Variants in FER observed in about 807,000 individuals in gnomAD.
The protein encoded by FER is FER tyrosine kinase.
FER carries 63 observed loss-of-function variants against 111.0 expected under a neutral mutation model. The observed-to-expected ratio is 0.57, with a 90% CI of 0.46 to 0.70. The LOEUF is 0.70. Among genes scored for constraint, FER ranks in the 30% least tolerant of loss-of-function variants. FER has a pLI of 0.00. For missense variants in FER, 914 were observed against 954.0 expected (o/e 0.96, Z 0.55); for synonymous variants, 327 against 313.9 (o/e 1.04, Z -0.44).
At chr5:108,867,745 C>G in intron 5 of FER, 22 bp from the exon 6 acceptor site, 1 of 1,566,914 alleles carries the variant, frequency 6.4e-7, no homozygotes, top group Non-Finnish European at 8.7e-7. Flanking sequence ...TACTAACTTT[C>G]TTCAGTTTTT....
chr5:109,042,475 G>A (rs181651223), intron 14 of FER, among the ~76,000 whole-genome samples: 1 of 152,260 alleles, frequency 6.6e-6, no homozygotes, highest in African/African-American at 2.4e-5. Context: ...GAGAAGAGGT[G>A]GTCTGGGAAA....
At chr5:109,037,394 A>C in intron 13 of FER, 28 bp from the exon 14 acceptor site, 1 of 1,599,930 alleles carries the variant, frequency 6.3e-7, no homozygotes, top group Non-Finnish European at 8.6e-7. Flanking sequence ...TGCTTGTACT[A>C]AACAACTGTT....
chr5:108,923,669 C>T (rs1439766032), intron 10 of FER, among the ~76,000 whole-genome samples: 2 of 152,066 alleles, frequency 1.3e-5, no homozygotes, highest in East Asian at 1.9e-4. Context: ...CCTTACTTTC[C>T]GATTAAACAT....
chr5:108,983,961 C>T (rs1391033644), intron 13 of FER, among the ~76,000 whole-genome samples: 1 of 152,120 alleles, frequency 6.6e-6, no homozygotes. Flanking sequence ...TTCTTTCATG[C>T]AGTCAGCAAA....
intron 17 of FER, among the ~76,000 whole-genome samples, chr5:109,167,094 T>C (rs1756632918): frequency 6.6e-6 from 1 of 152,194 alleles, no homozygotes; most frequent in Non-Finnish European, 1.5e-5. Context: ...CTATCTCTTC[T>C]TATAGAATTG....
intron 1 of FER, among the ~76,000 whole-genome samples, chr5:108,755,978 CCT>C (rs1384922817): frequency 6.7e-6 from 1 of 149,588 alleles, no homozygotes; most frequent in South Asian, 2.1e-4. Context: ...ATGGTGAAAC[CCT>C]GTCTTTACTA....
chr5:108,940,109 A>T (rs183844228), intron 10 of FER, among the ~76,000 whole-genome samples: 157 of 152,162 alleles, frequency 1.0e-3, no homozygotes, highest in African/African-American at 3.7e-3. Context: ...ACAAAATAAC[A>T]CATCAAACTT....
intron 17 of FER, among the ~76,000 whole-genome samples, chr5:109,103,822 C>T (rs1748557647): frequency 6.6e-6 from 1 of 152,184 alleles, no homozygotes; most frequent in Non-Finnish European, 1.5e-5. Context: ...TCAGGATTGA[C>T]ATACTTGATA....
chr5:109,085,050 A>G (rs1274955651), intron 16 of FER, among the ~76,000 whole-genome samples: 5 of 151,814 alleles, frequency 3.3e-5, no homozygotes, highest in South Asian at 2.1e-4. Context: ...CGTTTTTTCT[A>G]TTGTAGATCT....
At chr5:108,890,945 A>G (rs1747949112) in intron 9 of FER, among the ~76,000 whole-genome samples, 1 of 152,076 alleles carries the variant, frequency 6.6e-6, no homozygotes, top group Non-Finnish European at 1.5e-5. Context: ...TGGTAATTGT[A>G]TGTTTAGTTT....
chr5:108,948,081 A>G (rs1225750723), intron 11 of FER, among the ~76,000 whole-genome samples: 1 of 152,146 alleles, frequency 6.6e-6, no homozygotes, highest in Non-Finnish European at 1.5e-5. Flanking sequence ...ATAAACATAC[A>G]AAAATTAGAA....
intron 14 of FER, among the ~76,000 whole-genome samples, chr5:109,043,119 G>T (rs998622178): frequency 6.6e-6 from 1 of 152,186 alleles, no homozygotes; most frequent in African/African-American, 2.4e-5. Flanking sequence ...GGGTCTGAAT[G>T]CTTACAAGGC....
chr5:108,757,399 A>T (rs1471641635), intron 1 of FER, among the ~76,000 whole-genome samples: 1 of 152,200 alleles, frequency 6.6e-6, no homozygotes, highest in Admixed American at 6.5e-5. Flanking sequence ...TGAAAAAGAA[A>T]GCCAGCTGCT....
chr5:108,880,821 A>T (rs1237363786), intron 8 of FER, among the ~76,000 whole-genome samples: 3 of 152,110 alleles, frequency 2.0e-5, no homozygotes, highest in African/African-American at 4.8e-5. Flanking sequence ...TTTTGCTTTA[A>T]TATCAAATGC....
At chr5:108,866,301 T>G (rs1234959723) in intron 5 of FER, among the ~76,000 whole-genome samples, 1 of 152,180 alleles carries the variant, frequency 6.6e-6, no homozygotes, top group Non-Finnish European at 1.5e-5. Flanking sequence ...TGGATGAAGC[T>G]GGAAACCATC....
chr5:109,157,939 G>A (rs76876990), intron 17 of FER, among the ~76,000 whole-genome samples: 15,445 of 152,082 alleles, frequency 0.1, 808 homozygotes, highest in Non-Finnish European at 0.13. Context: ...GATACGTGAC[G>A]AATATTGCTA....
chr5:109,021,747 A>G lies in FER; in HGVS notation c.1657-15675A>G, dbSNP rs181273281. ...AGATTAATTGAAAAGCAAAAAAACAAGCTTTCTTAGATTTGATAGATATTT... is the reference window on the plus strand; with the variant it reads ...AGATTAATTGAAAAGCAAAAAAACAGGCTTTCTTAGATTTGATAGATATTT... On this transcript the variant is annotated intron_variant, in intron 13 of 19. Coordinates refer to ENST00000281092, the MANE Select transcript of FER (RefSeq NM_005246.4). Among the ~76,000 whole-genome samples, 5 of 152,234 alleles carry G rather than the reference A, an allele frequency of 3.3e-5. No individual in the cohort carries two copies. The East Asian group carries it at 9.6e-4, about 29-fold the overall frequency.
At chr5:108,956,275 C>G (rs72789311) in intron 12 of FER, among the ~76,000 whole-genome samples, 1 of 151,536 alleles carries the variant, frequency 6.6e-6, no homozygotes, top group South Asian at 2.1e-4. Flanking sequence ...ATATTTATTA[C>G]GTGGTATGAG....
At chr5:109,169,623 C>G (rs1299242572) in intron 17 of FER, among the ~76,000 whole-genome samples, 1 of 152,156 alleles carries the variant, frequency 6.6e-6, no homozygotes, top group Non-Finnish European at 1.5e-5. Flanking sequence ...CCTATAAATA[C>G]TGAAAACTGT....
Sources: gnomAD v4.1 joint callset for allele counts (sites outside exome capture counted in the v4.1 genomes callset) on GRCh38, gnomAD v4.1.1 for gene constraint, MANE v1.5 for transcripts, NCBI Gene and HGNC (gene_info 2026-07-23, HGNC 2026-07-21) for gene names.